ROBO1: variants seen among roughly 807,000 people sequenced by gnomAD.
ROBO1 encodes the protein roundabout guidance receptor 1.
ROBO1 carries 149 observed loss-of-function variants against 195.9 expected under a neutral mutation model. The ratio of observed to expected loss-of-function variants is 0.76; its 90% CI spans 0.67 to 0.87. The LOEUF (loss-of-function observed/expected upper bound fraction) is 0.87. Among genes scored for constraint, ROBO1 ranks in the 40% least tolerant of loss-of-function variants. The probability of loss-of-function intolerance (pLI) is 0.00; values close to 1 mark genes in which losing one functional copy is unlikely to be tolerated. For synonymous variants in ROBO1, 816 were observed against 733.2 expected (o/e 1.11, Z -1.82); for missense variants, 1,933 against 2,068.3 (o/e 0.93, Z 1.27).
chr3:79,126,725 A>G (rs1171945829), intron 2 of ROBO1, among the ~76,000 whole-genome samples: 1 of 152,184 alleles, frequency 6.6e-6, no homozygotes, highest in Non-Finnish European at 1.5e-5. Flanking sequence ...CTTGGGGAAC[A>G]GTGTGTCACT....
intron 2 of ROBO1, chr3:79,533,174 C>G: frequency 2.7e-6 from 1 of 366,932 alleles, no homozygotes; most frequent in South Asian, 2.1e-5. Flanking sequence ...GAAGGGAATA[C>G]AGTATAAACT....
intron 4 of ROBO1, among the ~76,000 whole-genome samples, chr3:78,897,652 A>G (rs895183701): frequency 1.3e-5 from 2 of 152,140 alleles, no homozygotes; most frequent in African/African-American, 2.4e-5. Flanking sequence ...AGTGCACTAT[A>G]AATTTATTTA....
At chr3:79,671,944 A>G (rs1025726750) in intron 1 of ROBO1, among the ~76,000 whole-genome samples, 2 of 151,970 alleles carry the variant, frequency 1.3e-5, no homozygotes, top group Admixed American at 1.3e-4. Context: ...GCTGGTCCCA[A>G]CAACTGCGAA....
chr3:79,271,694 G>GTATA (rs148280468), intron 2 of ROBO1, among the ~76,000 whole-genome samples: 24 of 150,756 alleles, frequency 1.6e-4, no homozygotes, highest in African/African-American at 5.3e-4. Flanking sequence ...ATGTATATGT[G>GTATA]TATATATATA....
intron 24 of ROBO1, among the ~76,000 whole-genome samples, chr3:78,633,192 T>C (rs1307496806): frequency 1.3e-5 from 2 of 152,202 alleles, no homozygotes; most frequent in African/African-American, 4.8e-5. Flanking sequence ...GAAACATTGC[T>C]AGAGTCAAGA....
At chr3:79,610,248 C>T (rs932279982) in intron 1 of ROBO1, among the ~76,000 whole-genome samples, 82 of 151,816 alleles carry the variant, frequency 5.4e-4, no homozygotes, top group African/African-American at 1.8e-3. Context: ...TTTTCCTATA[C>T]GTACATATCT....
chr3:78,710,463 A>AT (rs1320952524), intron 8 of ROBO1, among the ~76,000 whole-genome samples: 1 of 152,152 alleles, frequency 6.6e-6, no homozygotes, highest in Non-Finnish European at 1.5e-5. Context: ...TAAAACTACT[A>AT]TTTTTCTAAC....
At chr3:79,079,661 G>A (rs1462672373) in intron 3 of ROBO1, among the ~76,000 whole-genome samples, 3 of 151,560 alleles carry the variant, frequency 2.0e-5, no homozygotes, top group African/African-American at 7.3e-5. Context: ...AACATCACCA[G>A]TGAAAGTAAA....
intron 2 of ROBO1, among the ~76,000 whole-genome samples, chr3:79,555,773 T>C (rs1279323282): frequency 6.6e-6 from 1 of 152,142 alleles, no homozygotes. Flanking sequence ...ATCATTTCCT[T>C]AGCAAAAGAG....
At chr3:79,642,798 A>G (rs1409043594) in intron 1 of ROBO1, among the ~76,000 whole-genome samples, 1 of 152,212 alleles carries the variant, frequency 6.6e-6, no homozygotes, top group African/African-American at 2.4e-5. Context: ...AAACACTAAT[A>G]TGCCGAAAGA....
intron 4 of ROBO1, among the ~76,000 whole-genome samples, chr3:78,815,020 G>A (rs574928454): frequency 1.3e-3 from 192 of 152,154 alleles, no homozygotes; most frequent in African/African-American, 4.3e-3. Context: ...GGGATGTGAC[G>A]AATCACAACC....
intron 14 of ROBO1, among the ~76,000 whole-genome samples, chr3:78,664,236 A>C (rs1707604720): frequency 6.6e-6 from 1 of 152,180 alleles, no homozygotes; most frequent in East Asian, 1.9e-4. Context: ...ATTAGACTTA[A>C]AGAAGACCTA....
At chr3:78,945,209 G>C (rs2040361132) in intron 3 of ROBO1, among the ~76,000 whole-genome samples, 1 of 152,168 alleles carries the variant, frequency 6.6e-6, no homozygotes, top group Non-Finnish European at 1.5e-5. Flanking sequence ...CTGAGAATGG[G>C]CAGACTGCCT....
chr3:78,629,701 G>A (rs940496933), intron 25 of ROBO1, among the ~76,000 whole-genome samples: 1 of 134,802 alleles, frequency 7.4e-6, no homozygotes, highest in East Asian at 2.3e-4. Flanking sequence ...ATACAGTTTC[G>A]TTTTCATTAC....
chr3:79,295,080 C>T (rs2032505210), intron 2 of ROBO1, among the ~76,000 whole-genome samples: 2 of 152,096 alleles, frequency 1.3e-5, no homozygotes, highest in South Asian at 2.1e-4. Context: ...CCATTTGACC[C>T]ATCAATCCTA....
chr3:78,802,063 C>T (rs1208825493), intron 4 of ROBO1, among the ~76,000 whole-genome samples: 8 of 152,032 alleles, frequency 5.3e-5, no homozygotes, highest in Admixed American at 5.2e-4. Context: ...CTTTTCTGGT[C>T]TTTATTTCCA....
chr3:79,351,975 A>C (rs987621612), intron 2 of ROBO1, among the ~76,000 whole-genome samples: 2 of 152,190 alleles, frequency 1.3e-5, no homozygotes, highest in Admixed American at 6.5e-5. Flanking sequence ...AAAATAAGCT[A>C]ACTGCCATTC....
intron 1 of ROBO1, among the ~76,000 whole-genome samples, chr3:79,680,846 G>A (rs1030286382): frequency 3.3e-5 from 5 of 151,918 alleles, no homozygotes; most frequent in South Asian, 2.1e-4. Flanking sequence ...TAGGAGGTGG[G>A]GGGTCAAAGA....
At position 79,550,195 on chromosome 3, in the gene ROBO1, G is replaced by GAAAGAAAGAAAA; in HGVS notation, c.88+39628_88+39629insTTTTCTTTCTTT. On this transcript the variant is annotated intron_variant, in intron 2 of 30. Coordinates refer to ENST00000464233, the MANE Select transcript of ROBO1 (RefSeq NM_002941.4). ...AGAAAGAAAGAAAGAAAGAAAGAAA[G>GAAAGAAAGAAAA]GAAAAGAAAAGAAAAGAAAAGAAAA... 3.0e-5 allele frequency among the ~76,000 whole-genome samples: 3 copies of GAAAGAAAGAAAA among 100,812 alleles called. 1 individual carries two copies. Among genetic ancestry groups the GAAAGAAAGAAAA allele is most frequent in the African/African-American group, 1.4e-4 (3 of 21,382 alleles). The allele number at this position is 100,812 out of a possible 152,430, so 66.1% of individuals were successfully genotyped here.
Sources: allele counts gnomAD v4.1 joint callset (sites outside exome capture counted in the v4.1 genomes callset), GRCh38; gene constraint gnomAD v4.1.1; transcripts MANE v1.5; gene names NCBI Gene and HGNC (gene_info 2026-07-23, HGNC 2026-07-21).